SYTL5: variants seen among roughly 807,000 people sequenced by gnomAD.
SYTL5 encodes the protein synaptotagmin-like protein 5.
SYTL5 carries 34 observed loss-of-function variants against 55.9 expected under a neutral mutation model. The observed-to-expected ratio is 0.61, with a 90% CI of 0.46 to 0.81. The LOEUF is 0.81. Ranked by LOEUF, SYTL5 falls within the 30% of genes least tolerant of loss-of-function variation. The pLI, the probability that SYTL5 is intolerant of heterozygous loss-of-function variation, is 0.00. For synonymous variants in SYTL5, 221 were observed against 188.7 expected (o/e 1.17, Z -1.40); for missense variants, 637 against 546.7 (o/e 1.17, Z -1.65).
At chrX:38,046,373 A>G (rs940647558) in intron 2 of SYTL5, among the ~76,000 whole-genome samples, 5 of 111,899 alleles carry the variant, frequency 4.5e-5, no homozygotes, top group Non-Finnish European at 9.4e-5. Context: ...CAATCAAGGC[A>G]GAAGGTGAGA....
At chrX:37,981,823 C>T in the SYTL5 span, among the ~76,000 whole-genome samples, 1 of 111,410 alleles carries the variant, frequency 9.0e-6, no homozygotes, top group Non-Finnish European at 1.9e-5. Flanking sequence ...CAAGTCTGCA[C>T]CTCATGAGGA....
chrX:38,099,690 G>A (rs1042799967), intron 9 of SYTL5, among the ~76,000 whole-genome samples: 6 of 111,279 alleles, frequency 5.4e-5, no homozygotes, highest in African/African-American at 1.9e-4. Context: ...GCTTTTCAAT[G>A]TTGGGTATAA....
At chrX:37,930,837 C>T in the SYTL5 span, among the ~76,000 whole-genome samples, 3 of 112,208 alleles carry the variant, frequency 2.7e-5, no homozygotes. Flanking sequence ...CAAATTTCCT[C>T]CATGTGTCCC....
chrX:38,036,596 T>C (rs1459681065), intron 2 of SYTL5, among the ~76,000 whole-genome samples: 3 of 111,926 alleles, frequency 2.7e-5, no homozygotes, highest in Non-Finnish European at 5.6e-5. Flanking sequence ...CTGCATTAGA[T>C]GTGTTGTCTC....
intron 2 of SYTL5, among the ~76,000 whole-genome samples, chrX:38,038,629 G>A (rs1320784354): frequency 8.9e-6 from 1 of 111,880 alleles, no homozygotes; most frequent in Non-Finnish European, 1.9e-5. Flanking sequence ...AAAGGTGAAC[G>A]TTTGTGCTTG....
the SYTL5 span, among the ~76,000 whole-genome samples, chrX:37,889,864 TA>T: frequency 8.9e-6 from 1 of 111,826 alleles, no homozygotes; most frequent in African/African-American, 3.2e-5. Context: ...GATAAAAACA[TA>T]TCACAATTAT....
the SYTL5 span, among the ~76,000 whole-genome samples, chrX:37,994,034 C>G: frequency 9.0e-6 from 1 of 111,335 alleles, no homozygotes; most frequent in South Asian, 3.8e-4. Flanking sequence ...GCTCCAGTTA[C>G]TAGGGTGACC....
Position 38,108,641 on chromosome X carries a change from A to G in SYTL5, c.1376A>G (p.Asn459Ser), listed in dbSNP as rs765391375. The G allele has an allele frequency of 1.7e-6, 2 of 1,204,654 alleles. No individual in the cohort carries two copies. The highest frequency in any genetic ancestry group is 3.6e-5 in the South Asian group (2 of 55,811). ...CTTCTTCCTGACAAGTCCCGGAACAACAAGCGTAAGACCAAAATCAGAACA... is the reference window on the plus strand; with the variant it reads ...CTTCTTCCTGACAAGTCCCGGAACAGCAAGCGTAAGACCAAAATCAGAACA... ...SYLLPDKSRN[N>S]KRKTKIRTGT... Residue 459 changes from asparagine to serine, a missense_variant, in exon 12 of 17, where the codon AAC becomes AGC. Coordinates refer to ENST00000297875, the MANE Select transcript of SYTL5 (RefSeq NM_138780.3).
the SYTL5 span, among the ~76,000 whole-genome samples, chrX:37,995,048 G>A: frequency 9.0e-6 from 1 of 110,696 alleles, no homozygotes. Context: ...TTTAGAGGGG[G>A]CAGTTTCCAA....
chrX:37,952,969 T>C, the SYTL5 span, among the ~76,000 whole-genome samples: 5 of 110,403 alleles, frequency 4.5e-5, no homozygotes, highest in African/African-American at 1.6e-4. Context: ...ACCAGGGCAC[T>C]TCAGAGAACG....
chrX:37,969,307 G>T, the SYTL5 span, among the ~76,000 whole-genome samples: 1 of 111,523 alleles, frequency 9.0e-6, no homozygotes, highest in Non-Finnish European at 1.9e-5. Context: ...AGAGTTTTCA[G>T]ATTAAATTTA....
chrX:37,926,839 C>G, the SYTL5 span, among the ~76,000 whole-genome samples: 2 of 111,697 alleles, frequency 1.8e-5, no homozygotes, highest in African/African-American at 6.5e-5. Context: ...TTTCTTTTTT[C>G]TCTCTGACTC....
chrX:38,035,341 G>T (rs1935071304), intron 2 of SYTL5, among the ~76,000 whole-genome samples: 1 of 112,373 alleles, frequency 8.9e-6, no homozygotes, highest in Admixed American at 9.4e-5. Flanking sequence ...TATAGGGGGT[G>T]ACATATTAAC....
the SYTL5 span, among the ~76,000 whole-genome samples, chrX:37,984,380 A>AGATAAAATGGACAAATTACTAGAAAG: frequency 1.8e-5 from 2 of 111,946 alleles, no homozygotes; most frequent in East Asian, 2.8e-4. Flanking sequence ...TAGATAACTT[A>AGATAAAATGGACAAATTACTAGAAAG]GATAAAATGG....
chrX:38,070,371 C>T (rs920786554), intron 3 of SYTL5, among the ~76,000 whole-genome samples: 1 of 110,925 alleles, frequency 9.0e-6, no homozygotes. Flanking sequence ...CCATATCAGA[C>T]ATGTCACCAA....
intron 1 of SYTL5, among the ~76,000 whole-genome samples, chrX:38,020,091 T>C (rs1434724934): frequency 9.0e-6 from 1 of 111,201 alleles, no homozygotes; most frequent in East Asian, 2.8e-4. Context: ...TGTATTAACT[T>C]CAAAGCTATA....
At chrX:38,120,262 T>C (rs1005060619) in intron 13 of SYTL5, 96 bp from the exon 14 acceptor site, 6 of 590,059 alleles carry the variant, frequency 1.0e-5, no homozygotes, top group Admixed American at 7.7e-5. Context: ...ATTGTCACAT[T>C]TATGCCACTA....
intron 13 of SYTL5, among the ~76,000 whole-genome samples, chrX:38,116,751 C>A (rs1273314178): frequency 8.9e-6 from 1 of 112,207 alleles, no homozygotes; most frequent in Admixed American, 9.4e-5. Context: ...TAATTAAAAT[C>A]ACAAATATGC....
rs183506592 is a variant in SYTL5 at position 38,119,003 on chromosome X, A to G, written c.1597-1355A>G. On this transcript the variant is annotated intron_variant, in intron 13 of 16. Coordinates refer to ENST00000297875, the MANE Select transcript of SYTL5 (RefSeq NM_138780.3). ...CATATACATATATATGTTGAGAGAT[A>G]GGGTCTCACTGTGTTGCCCAGGCTG... is the stretch of plus-strand genomic sequence containing the variant. 8.5e-5 allele frequency among the ~76,000 whole-genome samples: 9 copies of G among 105,391 alleles called. No individual in the cohort carries two copies. In the East Asian group the frequency reaches 2.7e-3, roughly 31 times the overall value. 91.5% of individuals were successfully genotyped at this position (105,391 alleles called of 115,157 possible).
Sources: allele counts gnomAD v4.1 joint callset (sites outside exome capture counted in the v4.1 genomes callset), GRCh38; gene constraint gnomAD v4.1.1; transcripts MANE v1.5; gene names NCBI Gene and HGNC (gene_info 2026-07-23, HGNC 2026-07-21).